Variants in SIRPG observed in about 807,000 individuals in gnomAD.
SIRPG encodes the protein signal regulatory protein gamma.
SIRPG carries 38 observed loss-of-function variants against 35.7 expected under a neutral mutation model. That is an observed-to-expected ratio of 1.06 (90% CI 0.82 to 1.40). The LOEUF is 1.40. SIRPG is among the 40% of genes most tolerant of loss of function. SIRPG has a pLI of 0.00. For synonymous variants in SIRPG, 215 were observed against 190.4 expected, an observed-to-expected ratio of 1.13 and a Z score of -1.06; for missense variants, 519 against 483.0, an observed-to-expected ratio of 1.07 and a Z score of -0.70.
chr20:1,668,142 C>CT, the SIRPG span, among the ~76,000 whole-genome samples: 1 of 116,480 alleles, frequency 8.6e-6, no homozygotes, highest in Non-Finnish European at 1.8e-5. Flanking sequence ...TTTCTCTTTT[C>CT]TTTTCTTTTT....
the SIRPG span, among the ~76,000 whole-genome samples, chr20:1,664,427 C>T: frequency 1.3e-5 from 2 of 152,022 alleles, no homozygotes; most frequent in Non-Finnish European, 2.9e-5. Context: ...AGAATAAGTA[C>T]GGAAAAGCTG....
At chr20:1,684,592 C>A in the SIRPG span, among the ~76,000 whole-genome samples, 1 of 152,194 alleles carries the variant, frequency 6.6e-6, no homozygotes, top group Non-Finnish European at 1.5e-5. Flanking sequence ...TATACACCAG[C>A]GTTTTAACTC....
chr20:1,653,399 G>A (rs1351696270), intron 1 of SIRPG, among the ~76,000 whole-genome samples: 4 of 152,184 alleles, frequency 2.6e-5, no homozygotes, highest in African/African-American at 7.2e-5. Flanking sequence ...CATGGTGAAC[G>A]TTCAAAAATT....
chr20:1,660,971 C>T (rs73082625), upstream of SIRPG, among the ~76,000 whole-genome samples: 5,095 of 152,094 alleles, frequency 0.033, 129 homozygotes, highest in Middle Eastern at 0.054. Flanking sequence ...AAGTGTACAA[C>T]GGAGAGAATA....
chr20:1,650,294 G>C (rs139221498), intron 1 of SIRPG, among the ~76,000 whole-genome samples: 1 of 151,664 alleles, frequency 6.6e-6, no homozygotes, highest in Non-Finnish European at 1.5e-5. Flanking sequence ...ACTAGACCCA[G>C]TATTAAAACC....
chr20:1,668,247 CTT>C, the SIRPG span, among the ~76,000 whole-genome samples: 556 of 55,394 alleles, frequency 0.01, 3 homozygotes, highest in Non-Finnish European at 0.014. Flanking sequence ...TTCTTTCTTT[CTT>C]TTTCTTTTTC....
the SIRPG span, among the ~76,000 whole-genome samples, chr20:1,664,420 A>C: frequency 5.2e-3 from 798 of 152,138 alleles, 2 homozygotes; most frequent in African/African-American, 0.018. Flanking sequence ...AGAAGACAGA[A>C]TAAGTACGGA....
At chr20:1,659,597 T>C (rs1286439736), upstream of SIRPG, among the ~76,000 whole-genome samples, 2 of 152,214 alleles carry the variant, frequency 1.3e-5, no homozygotes, top group Non-Finnish European at 2.9e-5. Context: ...CCCCATGAGG[T>C]AAGCTCAACC....
the SIRPG span, among the ~76,000 whole-genome samples, chr20:1,663,421 T>C: frequency 6.6e-6 from 1 of 152,120 alleles, no homozygotes; most frequent in Non-Finnish European, 1.5e-5. Context: ...GAAGGAGCGA[T>C]GGAGGTGAGA....
chr20:1,686,343 C>CAGCAGAATCA, the SIRPG span, among the ~76,000 whole-genome samples: 11 of 151,986 alleles, frequency 7.2e-5, no homozygotes, highest in Non-Finnish European at 1.6e-4. Flanking sequence ...TGTGCATCCC[C>CAGCAGAATCA]GCAGCAGAAT....
At chr20:1,652,980 T>C (rs907426541) in intron 1 of SIRPG, among the ~76,000 whole-genome samples, 1 of 152,232 alleles carries the variant, frequency 6.6e-6, no homozygotes, top group Non-Finnish European at 1.5e-5. Context: ...AAATCTTCTA[T>C]TTTAGGTGGT....
At chr20:1,649,013 C>G (rs1318942065) in intron 2 of SIRPG, 39 bp downstream of exon 2, 2 of 1,517,684 alleles carry the variant, frequency 1.3e-6, no homozygotes, top group African/African-American at 2.7e-5. Flanking sequence ...GAGTTATTGT[C>G]ACACATCAGG....
intron 4 of SIRPG, 115 bp downstream of exon 4, chr20:1,635,152 G>T: frequency 1.3e-6 from 1 of 798,176 alleles, no homozygotes; most frequent in Non-Finnish European, 1.9e-6. Context: ...GGATGGAGCT[G>T]ACATTAAAAT....
chr20:1,635,687 GAGGGCATCA>G, intron 3 of SIRPG, 88 bp from the exon 4 acceptor site: 3 of 1,376,304 alleles, frequency 2.2e-6, no homozygotes, highest in Non-Finnish European at 2.0e-6. Flanking sequence ...CTACCACGGT[GAGGGCATCA>G]CCAGGACAGT....
upstream of SIRPG, among the ~76,000 whole-genome samples, chr20:1,661,852 C>G (rs985454994): frequency 6.6e-6 from 1 of 152,236 alleles, no homozygotes; most frequent in African/African-American, 2.4e-5. Flanking sequence ...AGAACCTGCT[C>G]TCTGTTTCAG....
At chr20:1,648,861 G>A (rs959134477) in intron 2 of SIRPG, among the ~76,000 whole-genome samples, 191 bp downstream of exon 2, 5 of 152,130 alleles carry the variant, frequency 3.3e-5, no homozygotes, top group Admixed American at 6.5e-5. Flanking sequence ...TCATTTACTA[G>A]CAATCATTTA....
rs201956131 is a variant in SIRPG, at chr20:1,649,262, G to A, written c.220C>T (p.Arg74Trp). The change falls in exon 2 of 6, where the codon CGG (arginine) becomes TGG (tryptophan). Residue 74 changes from arginine to tryptophan, a missense_variant. Transcript: ENST00000303415. Reference sequence around the variant, plus strand: ...TCTTTTTGATTGTAGATTAATTCCCGGCCTGGTCCAACTCCTCTGAACCAC... The same window carrying A: ...TCTTTTTGATTGTAGATTAATTCCCAGCCTGGTCCAACTCCTCTGAACCAC... ...VLWFRGVGPG[R>W]ELIYNQKEGH... is the part of the protein sequence containing the mutation. 64 of 1,613,934 alleles carry A rather than the reference G, an allele frequency of 4.0e-5. No homozygotes were observed. Among genetic ancestry groups the A allele is most frequent in the Middle Eastern group, 1.6e-4 (1 of 6,062 alleles).
intron 1 of SIRPG, among the ~76,000 whole-genome samples, chr20:1,654,619 T>G (rs975235990): frequency 6.6e-6 from 1 of 152,212 alleles, no homozygotes; most frequent in Non-Finnish European, 1.5e-5. Context: ...GACATTGGTC[T>G]TGGCAATACA....
intron 2 of SIRPG, chr20:1,648,451 GA>G (rs1301603404): frequency 6.6e-6 from 1 of 152,114 alleles, no homozygotes; most frequent in Non-Finnish European, 1.5e-5. Context: ...ATTAAATAAA[GA>G]AAAACACGAT....
Sources: allele counts gnomAD v4.1 joint callset (sites outside exome capture counted in the v4.1 genomes callset), GRCh38; gene constraint gnomAD v4.1.1; transcripts MANE v1.5; gene names NCBI Gene and HGNC (gene_info 2026-07-23, HGNC 2026-07-21).